UBAC2: variants seen among roughly 807,000 people sequenced by gnomAD.
UBAC2 encodes ubiquitin-associated domain-containing protein 2.
In UBAC2, 26 loss-of-function variants were observed where a neutral mutation model predicts 44.0. That is an observed-to-expected ratio of 0.59 (90% CI 0.43 to 0.82). The LOEUF is 0.82. Ranked by LOEUF, UBAC2 falls within the 40% of genes least tolerant of loss-of-function variation. The pLI is 0.00. For synonymous variants in UBAC2, 155 were observed against 154.3 expected (o/e 1.00, Z -0.04); for missense variants, 329 against 419.4 (o/e 0.78, Z 1.88).
chr13:99,344,079 GACC>G (rs2044935387), intron 7 of UBAC2, among the ~76,000 whole-genome samples: 1 of 152,168 alleles, frequency 6.6e-6, no homozygotes, highest in Non-Finnish European at 1.5e-5. Context: ...TCAGTAAGAA[GACC>G]ACCACCATTT....
rs1384812251 is a variant in UBAC2, at chr13:99,241,403, GAATATT to G, written c.160-2427_160-2422del. Among the ~76,000 whole-genome samples the G allele has an allele frequency of 2.6e-5, 4 of 152,082 alleles. No individual in the cohort carries two copies. The East Asian group carries it at 7.7e-4, about 29-fold the overall frequency. On this transcript the variant is annotated intron_variant, in intron 2 of 8. Transcript: ENST00000403766. ...CAAAATGTGGTGTATACATACCATA[GAATATT>G]ATTCAACTATAAATGAGAATGAGAT...
intron 4 of UBAC2, among the ~76,000 whole-genome samples, chr13:99,289,080 A>G (rs558051176): frequency 1.2e-3 from 182 of 152,352 alleles, no homozygotes; most frequent in Non-Finnish European, 1.4e-3. Context: ...TGACAAGACA[A>G]TTGAAGTCTA....
intron 1 of UBAC2, chr13:99,201,243 C>T (rs1399684015): frequency 1.4e-6 from 2 of 1,435,124 alleles, no homozygotes; most frequent in Non-Finnish European, 9.1e-7. Flanking sequence ...CTGGTGTTCT[C>T]GTGGGCCGGC....
intron 6 of UBAC2, among the ~76,000 whole-genome samples, chr13:99,327,759 A>G (rs1196751481): frequency 2.0e-5 from 3 of 152,222 alleles, no homozygotes; most frequent in Non-Finnish European, 1.5e-5. Flanking sequence ...CCTACCTCTT[A>G]TAAAATTTAA....
At chr13:99,268,464 C>T (rs1294555276) in intron 4 of UBAC2, among the ~76,000 whole-genome samples, 1 of 151,690 alleles carries the variant, frequency 6.6e-6, no homozygotes, top group Non-Finnish European at 1.5e-5. Context: ...AAAAATTAGC[C>T]AGGCGTGGTG....
intron 1 of UBAC2, 62 bp downstream of exon 1, chr13:99,201,001 G>T: frequency 7.7e-7 from 1 of 1,293,336 alleles, no homozygotes. Flanking sequence ...ACCTCTTTGA[G>T]GAGGCTGGGG....
intron 8 of UBAC2, among the ~76,000 whole-genome samples, chr13:99,371,151 GGTTGTTTTTTTTTTTGTTTAATGA>G: frequency 6.6e-6 from 1 of 151,866 alleles, no homozygotes; most frequent in Non-Finnish European, 1.5e-5. Context: ...AAGTCTTCAG[GGTTGTTTTTTTTTTTGTTTAATGA>G]GTCATTTTTC....
chr13:99,368,728 C>CGTGTGT (rs1566525823), intron 8 of UBAC2, among the ~76,000 whole-genome samples: 116 of 91,126 alleles, frequency 1.3e-3, no homozygotes, highest in African/African-American at 3.1e-3. Context: ...TGTGTGTGTA[C>CGTGTGT]ACATACCCTC....
At chr13:99,263,504 A>C (rs762108823) in intron 4 of UBAC2, among the ~76,000 whole-genome samples, 1 of 152,230 alleles carries the variant, frequency 6.6e-6, no homozygotes, top group Non-Finnish European at 1.5e-5. Flanking sequence ...GGACAGTGCA[A>C]AGTGCTGGCA....
At chr13:99,287,830 C>T (rs1033642879) in intron 4 of UBAC2, among the ~76,000 whole-genome samples, 1 of 151,960 alleles carries the variant, frequency 6.6e-6, no homozygotes, top group East Asian at 1.9e-4. Flanking sequence ...AACTTTAGGA[C>T]CTTCTTGCCC....
intron 1 of UBAC2, among the ~76,000 whole-genome samples, chr13:99,235,841 G>T (rs1594029628): frequency 6.6e-6 from 1 of 152,176 alleles, no homozygotes; most frequent in African/African-American, 2.4e-5. Flanking sequence ...GGTGGCTTGT[G>T]CCTGTAGTCC....
At chr13:99,344,131 T>C (rs191029908) in intron 7 of UBAC2, among the ~76,000 whole-genome samples, 82 of 152,342 alleles carry the variant, frequency 5.4e-4, no homozygotes, top group Non-Finnish European at 1.6e-4. Context: ...GTATATGTTA[T>C]CTCATTTATG....
chr13:99,316,671 A>G (rs575459546), intron 5 of UBAC2, among the ~76,000 whole-genome samples: 4 of 152,352 alleles, frequency 2.6e-5, no homozygotes, highest in Admixed American at 2.0e-4. Context: ...GGCAGACATA[A>G]TGGGGACCAC....
intron 6 of UBAC2, among the ~76,000 whole-genome samples, chr13:99,339,764 A>G (rs1249976805): frequency 6.6e-6 from 1 of 152,224 alleles, no homozygotes; most frequent in Non-Finnish European, 1.5e-5. Flanking sequence ...TGGTTTATAA[A>G]TGGAACTAAT....
At chr13:99,379,213 A>C (rs1349584358) in intron 8 of UBAC2, among the ~76,000 whole-genome samples, 2 of 152,244 alleles carry the variant, frequency 1.3e-5, no homozygotes, top group African/African-American at 4.8e-5. Context: ...TGCCTGCTGC[A>C]TTAGCACATC....
intron 1 of UBAC2, among the ~76,000 whole-genome samples, chr13:99,219,088 T>G (rs927546948): frequency 2.0e-5 from 3 of 152,172 alleles, no homozygotes; most frequent in Non-Finnish European, 4.4e-5. Flanking sequence ...AATAGTTAAG[T>G]AGTCAGACAT....
chr13:99,226,941 G>A (rs1241856974), intron 1 of UBAC2, among the ~76,000 whole-genome samples: 4 of 152,154 alleles, frequency 2.6e-5, no homozygotes, highest in Admixed American at 1.3e-4. Flanking sequence ...GCTCATGCCT[G>A]TAATCCCAGC....
At position 99,353,654 on chromosome 13, in the gene UBAC2, C is replaced by G. The variant is rs565931433; in HGVS notation, c.807+13089C>G. 3.9e-5 allele frequency among the ~76,000 whole-genome samples: 6 copies of G among 152,244 alleles called. No individual in the cohort carries two copies. In the East Asian group the frequency reaches 1.2e-3, roughly 29 times the overall value. ...GGACGAATGAATTTAGAGATGTACTCTGGAGCAGTATCATGTTAAACCAGG... is the reference window on the plus strand; with the variant it reads ...GGACGAATGAATTTAGAGATGTACTGTGGAGCAGTATCATGTTAAACCAGG... On this transcript the variant is annotated intron_variant, in intron 7 of 8. Transcript: ENST00000403766.
At chr13:99,230,209 A>G (rs905472828) in intron 1 of UBAC2, among the ~76,000 whole-genome samples, 6 of 152,202 alleles carry the variant, frequency 3.9e-5, no homozygotes, top group African/African-American at 1.4e-4. Flanking sequence ...CATGCCTGTA[A>G]TCATAGCACT....
Sources: gnomAD v4.1 joint callset for allele counts (sites outside exome capture counted in the v4.1 genomes callset) on GRCh38, gnomAD v4.1.1 for gene constraint, MANE v1.5 for transcripts, NCBI Gene and HGNC (gene_info 2026-07-23, HGNC 2026-07-21) for gene names.